XPNPEP1: variants seen among roughly 807,000 people sequenced by gnomAD.
XPNPEP1 encodes X-prolyl aminopeptidase 1, also known as xaa-Pro aminopeptidase 1.
A neutral mutation model predicts 92.4 loss-of-function variants in XPNPEP1; 39 were observed. That is an observed-to-expected ratio of 0.42 (90% CI 0.33 to 0.55). The LOEUF is 0.55. Among genes scored for constraint, XPNPEP1 ranks in the 20% least tolerant of loss-of-function variants. The pLI is 0.08. For synonymous variants in XPNPEP1, 307 were observed against 299.4 expected (o/e 1.03, Z -0.26); for missense variants, 654 against 856.1 (o/e 0.76, Z 2.95).
chr10:109,921,851 A>T (rs1178053327), intron 1 of XPNPEP1, among the ~76,000 whole-genome samples: 1 of 152,210 alleles, frequency 6.6e-6, no homozygotes, highest in Non-Finnish European at 1.5e-5. Flanking sequence ...ATGAGAATTA[A>T]GGCAGCCCAG....
chr10:109,891,955 G>A (rs1258622499), intron 4 of XPNPEP1, 129 bp from the exon 5 acceptor site: 2 of 751,620 alleles, frequency 2.7e-6, no homozygotes, highest in African/African-American at 1.8e-5. Flanking sequence ...ATGGGTCCTT[G>A]ACTCCAAAGA....
At chr10:109,913,686 T>C (rs1044533846) in intron 2 of XPNPEP1, among the ~76,000 whole-genome samples, 5 of 152,220 alleles carry the variant, frequency 3.3e-5, no homozygotes, top group African/African-American at 1.2e-4. Flanking sequence ...CCCAAGTCCA[T>C]GCTCTATTAC....
At chr10:109,895,803 G>A (rs1409020486) in intron 3 of XPNPEP1, among the ~76,000 whole-genome samples, 1 of 152,196 alleles carries the variant, frequency 6.6e-6, no homozygotes, top group Admixed American at 6.5e-5. Flanking sequence ...CTCAGTCCAA[G>A]CCTCCATCAT....
chr10:109,883,832 C>T (rs1377894458), intron 9 of XPNPEP1: 2 of 433,038 alleles, frequency 4.6e-6, no homozygotes, highest in Admixed American at 4.2e-5. Flanking sequence ...AATGGGTGGC[C>T]CGAACTATAG....
intron 5 of XPNPEP1, 126 bp from the exon 6 acceptor site, chr10:109,888,721 T>C (rs1348731776): frequency 1.5e-6 from 1 of 647,890 alleles, no homozygotes; most frequent in African/African-American, 1.9e-5. Flanking sequence ...TTAAAGTGGA[T>C]TGACAGGACT....
intron 3 of XPNPEP1, among the ~76,000 whole-genome samples, chr10:109,900,388 C>T (rs1393930938): frequency 6.6e-6 from 1 of 152,150 alleles, no homozygotes; most frequent in Non-Finnish European, 1.5e-5. Flanking sequence ...GAAGCCAGCC[C>T]TTCCTTCTTG....
chr10:109,888,417 C>A, intron 6 of XPNPEP1, 86 bp downstream of exon 6: 1 of 1,394,680 alleles, frequency 7.2e-7, no homozygotes, highest in Non-Finnish European at 9.8e-7. Context: ...CCCCAGTGCT[C>A]CACACCCCAC....
At chr10:109,922,767 A>G (rs1850616844) in intron 1 of XPNPEP1, among the ~76,000 whole-genome samples, 1 of 152,162 alleles carries the variant, frequency 6.6e-6, no homozygotes, top group African/African-American at 2.4e-5. Context: ...AAACTAAAAC[A>G]TGTTTAACTT....
In XPNPEP1 at chr10:109,888,341, T is replaced by C. The variant is rs542612821; in HGVS notation, c.509-149A>G. Reference sequence around the variant, plus strand: ...CAGGATGAGGAACTGTAAAAGCACATCTTCACCACCAGTGGAACTCTTCTC... The same window carrying C: ...CAGGATGAGGAACTGTAAAAGCACACCTTCACCACCAGTGGAACTCTTCTC... On this transcript the variant is annotated intron_variant, in intron 6 of 20. Transcript: ENST00000502935. 4.4e-5 allele frequency: 57 copies of C among 1,297,542 alleles called. No homozygotes were observed. In the South Asian group the frequency reaches 7.7e-4, roughly 17 times the overall value. 80.4% of individuals were successfully genotyped at this position (1,297,542 alleles called of 1,614,324 possible). A position where few individuals can be genotyped will look rare whatever the true frequency, so the allele number is the denominator to read the frequency against.
At chr10:109,922,120 C>T (rs1850575638) in intron 1 of XPNPEP1, among the ~76,000 whole-genome samples, 1 of 152,138 alleles carries the variant, frequency 6.6e-6, no homozygotes, top group Non-Finnish European at 1.5e-5. Context: ...TTTCCATTAC[C>T]GAAACTGAAA....
At chr10:109,901,565 T>C (rs1007101416) in intron 3 of XPNPEP1, among the ~76,000 whole-genome samples, 4 of 152,236 alleles carry the variant, frequency 2.6e-5, no homozygotes, top group Non-Finnish European at 4.4e-5. Context: ...TTGAATTCAG[T>C]TCACACTTTA....
chr10:109,869,771 C>T, intron 19 of XPNPEP1, 182 bp downstream of exon 19: 1 of 550,128 alleles, frequency 1.8e-6, no homozygotes, highest in Non-Finnish European at 3.2e-6. Context: ...GAGAAGAAGG[C>T]TCCATGTTGG....
intron 2 of XPNPEP1, among the ~76,000 whole-genome samples, chr10:109,912,149 T>C (rs1276910049): frequency 1.3e-5 from 2 of 152,136 alleles, no homozygotes; most frequent in Non-Finnish European, 2.9e-5. Context: ...CACAGAATCA[T>C]CAGCTTTATC....
chr10:109,876,386 A>G (rs940721948), intron 14 of XPNPEP1: 2 of 152,226 alleles, frequency 1.3e-5, no homozygotes, highest in African/African-American at 4.8e-5. Flanking sequence ...AACAACTAAA[A>G]AAGACAACCA....
At chr10:109,870,708 C>T (rs771052609) in intron 18 of XPNPEP1, 23 bp downstream of exon 18, 2 of 1,609,636 alleles carry the variant, frequency 1.2e-6, no homozygotes, top group South Asian at 2.2e-5. Context: ...TCCACGCATG[C>T]CCTCTATGTG....
At chr10:109,875,398 G>C in intron 15 of XPNPEP1, 130 bp downstream of exon 15, 1 of 709,570 alleles carries the variant, frequency 1.4e-6, no homozygotes, top group South Asian at 2.0e-5. Flanking sequence ...CAAGACACAG[G>C]AACGATTCCA....
At chr10:109,922,783 C>T (rs1211577030) in intron 1 of XPNPEP1, among the ~76,000 whole-genome samples, 2 of 152,180 alleles carry the variant, frequency 1.3e-5, no homozygotes, top group Non-Finnish European at 2.9e-5. Flanking sequence ...AACTTGAGGC[C>T]GGGAAATTAT....
chr10:109,878,152 T>C, intron 12 of XPNPEP1, 94 bp from the exon 13 acceptor site: 1 of 1,425,580 alleles, frequency 7.0e-7, no homozygotes, highest in Middle Eastern at 1.8e-4. Context: ...CACTTTTTCC[T>C]CAATTGCTTC....
At chr10:109,906,089 G>A (rs1564785978) in intron 3 of XPNPEP1, among the ~76,000 whole-genome samples, 1 of 152,172 alleles carries the variant, frequency 6.6e-6, no homozygotes, top group Non-Finnish European at 1.5e-5. Flanking sequence ...GACATGTTTT[G>A]TGATCTTTGC....
Sources: allele counts gnomAD v4.1 joint callset (sites outside exome capture counted in the v4.1 genomes callset), GRCh38; gene constraint gnomAD v4.1.1; transcripts MANE v1.5; gene names NCBI Gene and HGNC (gene_info 2026-07-23, HGNC 2026-07-21).